GFOD1: variants seen among roughly 807,000 people sequenced by gnomAD.
GFOD1 encodes the protein glucose-fructose oxidoreductase domain-containing protein 1.
Under a neutral mutation model 25.4 loss-of-function variants are expected in GFOD1, and 9 were observed. The observed-to-expected ratio is 0.35, with a 90% CI of 0.21 to 0.62. The LOEUF is 0.62. GFOD1 is among the 20% of genes least tolerant of loss of function. GFOD1 has a pLI of 0.72. For synonymous variants in GFOD1, 253 were observed against 245.6 expected, an observed-to-expected ratio of 1.03 and a Z score of -0.28; for missense variants, 403 against 556.9, an observed-to-expected ratio of 0.72 and a Z score of 2.78.
At chr6:13,411,269 T>A (rs2127566136) in intron 1 of GFOD1, among the ~76,000 whole-genome samples, 1 of 152,220 alleles carries the variant, frequency 6.6e-6, no homozygotes, top group East Asian at 1.9e-4. Context: ...CAAGTGAGGA[T>A]CCACAAAGAC....
intron 1 of GFOD1, among the ~76,000 whole-genome samples, chr6:13,485,310 C>T (rs1013395899): frequency 3.3e-5 from 5 of 152,212 alleles, no homozygotes; most frequent in Admixed American, 1.3e-4. Flanking sequence ...TATATTTCAC[C>T]TACCCTGAAT....
chr6:13,469,606 G>A (rs1393494925), intron 1 of GFOD1: 1 of 1,097,586 alleles, frequency 9.1e-7, no homozygotes, highest in East Asian at 7.0e-5. Flanking sequence ...CTTGTTCTTA[G>A]CCATGTACAC....
In GFOD1 at chr6:13,444,622, T is replaced by G. The variant is rs550384473; in HGVS notation, c.253+42016A>C. On this transcript the variant is annotated intron_variant, in intron 1 of 1. Coordinates refer to ENST00000379287, the MANE Select transcript of GFOD1 (RefSeq NM_018988.4). ...TTCAATATTTTTATTGGGATTGAAT[T>G]TCAATTATTTAATATTTAATATAGA... Among the ~76,000 whole-genome samples, 7 of 152,268 alleles carry G rather than the reference T, an allele frequency of 4.6e-5. No individual in the cohort carries two copies. The East Asian group carries it at 1.3e-3, about 29-fold the overall frequency.
intron 1 of GFOD1, among the ~76,000 whole-genome samples, chr6:13,382,773 T>G (rs1396820584): frequency 6.6e-6 from 1 of 152,212 alleles, no homozygotes; most frequent in Non-Finnish European, 1.5e-5. Context: ...CGCCTAGGTA[T>G]TAAGCCCAGC....
intron 1 of GFOD1, among the ~76,000 whole-genome samples, chr6:13,397,918 G>A (rs115536097): frequency 2.4e-3 from 366 of 152,272 alleles, no homozygotes; most frequent in African/African-American, 8.3e-3. Flanking sequence ...AGACTTTTCC[G>A]ACTATGGGCC....
intron 1 of GFOD1, among the ~76,000 whole-genome samples, chr6:13,474,506 G>A (rs1397037901): frequency 6.6e-6 from 1 of 152,178 alleles, no homozygotes; most frequent in Non-Finnish European, 1.5e-5. Flanking sequence ...TGATTTTTGA[G>A]GGATTACTCA....
intron 1 of GFOD1, among the ~76,000 whole-genome samples, chr6:13,402,397 C>T (rs749612927): frequency 3.7e-4 from 56 of 151,958 alleles, no homozygotes; most frequent in Non-Finnish European, 5.6e-4. Flanking sequence ...ATAAAACCAC[C>T]GACTGAATGG....
chr6:13,378,177 G>C (rs979816180), intron 1 of GFOD1, among the ~76,000 whole-genome samples: 3 of 152,192 alleles, frequency 2.0e-5, no homozygotes, highest in Non-Finnish European at 4.4e-5. Flanking sequence ...GATTATGATT[G>C]CCCAAGGTCA....
At chr6:13,376,324 T>C (rs965299950) in intron 1 of GFOD1, among the ~76,000 whole-genome samples, 4 of 151,678 alleles carry the variant, frequency 2.6e-5, no homozygotes, top group African/African-American at 9.7e-5. Context: ...AGCAGTTGAG[T>C]CCTGCTATAT....
intron 1 of GFOD1, among the ~76,000 whole-genome samples, chr6:13,413,103 G>C (rs1031303637): frequency 6.6e-6 from 1 of 152,196 alleles, no homozygotes; most frequent in Non-Finnish European, 1.5e-5. Context: ...TGTTCCGCTG[G>C]AGTGCCTGCA....
rs1437394119 is a variant in GFOD1, at chr6:13,375,157, T to C, written c.254-9495A>G. On this transcript the variant is annotated intron_variant, in intron 1 of 1. Transcript: ENST00000379287. The stretch of plus-strand genomic sequence containing the variant: ...TAATTACAGTCACCCTACAGTGCTA[T>C]AGAACGCTAGGACTTATTCCTCCCA... Among the ~76,000 whole-genome samples, 3 of 152,340 alleles carry C rather than the reference T, an allele frequency of 2.0e-5. No individual in the cohort carries two copies. The South Asian group carries it at 6.2e-4, about 32-fold the overall frequency.
chr6:13,460,458 A>G (rs955279913), intron 1 of GFOD1, among the ~76,000 whole-genome samples: 2 of 152,252 alleles, frequency 1.3e-5, no homozygotes, highest in Non-Finnish European at 2.9e-5. Context: ...TGGTACATAT[A>G]CACCATGGAA....
At chr6:13,460,231 C>T (rs1758268608) in intron 1 of GFOD1, among the ~76,000 whole-genome samples, 1 of 152,204 alleles carries the variant, frequency 6.6e-6, no homozygotes, top group Non-Finnish European at 1.5e-5. Context: ...TAAATTAGCT[C>T]AACCATTGTG....
intron 1 of GFOD1, among the ~76,000 whole-genome samples, chr6:13,417,980 G>A (rs1483977614): frequency 1.3e-5 from 2 of 152,180 alleles, no homozygotes; most frequent in Non-Finnish European, 2.9e-5. Context: ...ATATGCAACA[G>A]TCCAAGTGAG....
intron 1 of GFOD1, among the ~76,000 whole-genome samples, chr6:13,378,042 A>G (rs1785288105): frequency 6.6e-6 from 1 of 152,220 alleles, no homozygotes; most frequent in Admixed American, 6.5e-5. Context: ...AAAGGGCACA[A>G]GGAAGAGAAG....
At chr6:13,436,155 T>C (rs1359218824) in intron 1 of GFOD1, among the ~76,000 whole-genome samples, 1 of 152,234 alleles carries the variant, frequency 6.6e-6, no homozygotes, top group Non-Finnish European at 1.5e-5. Context: ...TTTGTACCTT[T>C]GAATTTTGAA....
At chr6:13,434,648 A>C (rs542901310) in intron 1 of GFOD1, among the ~76,000 whole-genome samples, 1 of 152,368 alleles carries the variant, frequency 6.6e-6, no homozygotes, top group South Asian at 2.1e-4. Flanking sequence ...GGAGCACAGA[A>C]GTCAAGCACC....
intron 1 of GFOD1, among the ~76,000 whole-genome samples, chr6:13,483,573 G>C (rs1758802067): frequency 6.6e-6 from 1 of 151,906 alleles, no homozygotes; most frequent in Non-Finnish European, 1.5e-5. Context: ...GTTGGGTGGG[G>C]TGGACTGGAA....
intron 1 of GFOD1, among the ~76,000 whole-genome samples, chr6:13,391,511 C>CAAAA (rs57340590): frequency 4.1e-4 from 45 of 108,610 alleles, no homozygotes; most frequent in African/African-American, 9.4e-4. Flanking sequence ...AACAAACAAA[C>CAAAA]AAAAAAAAAA....
Sources: gnomAD v4.1 joint callset for allele counts (sites outside exome capture counted in the v4.1 genomes callset) on GRCh38, gnomAD v4.1.1 for gene constraint, MANE v1.5 for transcripts, NCBI Gene and HGNC (gene_info 2026-07-23, HGNC 2026-07-21) for gene names.